Variants in TCF4 observed in about 807,000 individuals in gnomAD.
TCF4 encodes the protein transcription factor 4, also known as SL3-3 enhancer factor 2.
TCF4 carries 3 observed loss-of-function variants against 82.1 expected under a neutral mutation model. The observed-to-expected ratio is 0.04, with a 90% confidence interval of 0.02 to 0.09. The LOEUF is 0.09. Among genes scored for constraint, TCF4 ranks in the 10% least tolerant of loss-of-function variants. TCF4 has a pLI of 1.00. For missense variants in TCF4, 518 were observed against 852.7 expected (o/e 0.61, Z 4.89); for synonymous variants, 276 against 309.6 (o/e 0.89, Z 1.14).
At chr18:55,451,915 A>G (rs1426455401) in intron 5 of TCF4, among the ~76,000 whole-genome samples, 3 of 152,192 alleles carry the variant, frequency 2.0e-5, no homozygotes, top group Non-Finnish European at 4.4e-5. Context: ...CTAAAGCGGG[A>G]GGATCACTTG....
At chr18:55,460,977 T>A in intron 5 of TCF4, 42 bp downstream of exon 5, 1 of 1,559,982 alleles carries the variant, frequency 6.4e-7, no homozygotes, top group Non-Finnish European at 8.8e-7. Context: ...TAGTAAAACT[T>A]GAGCATTCAA....
chr18:55,524,735 T>G (rs1483556470), intron 3 of TCF4, among the ~76,000 whole-genome samples: 1 of 152,172 alleles, frequency 6.6e-6, no homozygotes, highest in African/African-American at 2.4e-5. Context: ...ACTACTGTGG[T>G]GGTCATTTGG....
At chr18:55,384,609 G>A (rs2092410256) in intron 6 of TCF4, among the ~76,000 whole-genome samples, 1 of 152,210 alleles carries the variant, frequency 6.6e-6, no homozygotes, top group Non-Finnish European at 1.5e-5. Context: ...GATACTGAAA[G>A]AAGACAACCC....
rs115482059 is a variant in TCF4, at chr18:55,474,242, A to T, written c.146-10105T>A. On this transcript the variant is annotated intron_variant, in intron 3 of 19. Transcript: ENST00000354452. Reference sequence around the variant, plus strand: ...TTTTACTCCATGGGCTCAATAGGACATGTATTGCCTAAATTTACAGTGTGA... The same window carrying T: ...TTTTACTCCATGGGCTCAATAGGACTTGTATTGCCTAAATTTACAGTGTGA... Among the ~76,000 whole-genome samples the T allele has an allele frequency of 6.8e-3, 1,029 of 152,324 alleles. 14 individuals are homozygous for T. The highest frequency in any genetic ancestry group is 0.024 in the African/African-American group (993 of 41,580).
At chr18:55,249,734 C>T (rs2054434366) in intron 15 of TCF4, among the ~76,000 whole-genome samples, 1 of 152,204 alleles carries the variant, frequency 6.6e-6, no homozygotes, top group Non-Finnish European at 1.5e-5. Flanking sequence ...GAGAGCTACA[C>T]TAATGCGATA....
intron 3 of TCF4, among the ~76,000 whole-genome samples, chr18:55,561,292 A>T (rs1010274354): frequency 2.0e-5 from 3 of 152,218 alleles, no homozygotes; most frequent in Non-Finnish European, 4.4e-5. Flanking sequence ...ATACAATAGG[A>T]TAATATTTTA....
At chr18:55,508,272 C>A (rs193252154) in intron 3 of TCF4, among the ~76,000 whole-genome samples, 3 of 152,306 alleles carry the variant, frequency 2.0e-5, no homozygotes. Context: ...TGATCTATAA[C>A]CTACTCCAGG....
At chr18:55,603,862 G>C (rs565919543) in intron 2 of TCF4, among the ~76,000 whole-genome samples, 1 of 152,244 alleles carries the variant, frequency 6.6e-6, no homozygotes, top group South Asian at 2.1e-4. Flanking sequence ...AATTCCTCCT[G>C]AGGAGAAAAC....
chr18:55,460,062 T>C (rs1459694106), intron 5 of TCF4, among the ~76,000 whole-genome samples: 1 of 152,190 alleles, frequency 6.6e-6, no homozygotes, highest in African/African-American at 2.4e-5. Context: ...CTTAAAATCA[T>C]GACATTCTTT....
intron 6 of TCF4, among the ~76,000 whole-genome samples, chr18:55,383,554 C>T (rs995615593): frequency 1.8e-4 from 28 of 152,108 alleles, no homozygotes; most frequent in African/African-American, 3.9e-4. Flanking sequence ...GAAGACACTA[C>T]GACAAGGCAA....
intron 5 of TCF4, among the ~76,000 whole-genome samples, chr18:55,437,918 A>C (rs1283044135): frequency 6.6e-6 from 1 of 152,194 alleles, no homozygotes; most frequent in Non-Finnish European, 1.5e-5. Context: ...ATATAGGTTT[A>C]GGCCAGGCAC....
chr18:55,373,667 A>T (rs1336404236), intron 6 of TCF4, among the ~76,000 whole-genome samples: 1 of 151,768 alleles, frequency 6.6e-6, no homozygotes, highest in East Asian at 1.9e-4. Flanking sequence ...AACAAAATGT[A>T]GCCAGGTTGG....
intron 6 of TCF4, among the ~76,000 whole-genome samples, chr18:55,391,701 G>A (rs1276703243): frequency 6.6e-6 from 1 of 151,814 alleles, no homozygotes; most frequent in Admixed American, 6.6e-5. Flanking sequence ...GGGAGGCCGA[G>A]GTGGGCGGAT....
intron 5 of TCF4, among the ~76,000 whole-genome samples, chr18:55,409,990 T>C (rs1398686527): frequency 6.6e-6 from 1 of 152,186 alleles, no homozygotes; most frequent in Non-Finnish European, 1.5e-5. Flanking sequence ...TCCACAGTCA[T>C]TTAAAAATCT....
rs957444618 is a variant in TCF4, at chr18:55,222,668, G to A, written c.*5367C>T. 10 of 152,648 alleles carry A rather than the reference G, an allele frequency of 6.6e-5. No individual in the cohort carries two copies. Among genetic ancestry groups the A allele is most frequent in the Admixed American group, 3.9e-4 (6 of 15,268 alleles). 9.5% of individuals were successfully genotyped at this position (152,648 alleles called of 1,614,324 possible). A position where few individuals can be genotyped will look rare whatever the true frequency, so the allele number is the denominator to read the frequency against. On this transcript the variant is annotated 3_prime_UTR_variant, in exon 20 of 20. Transcript: ENST00000354452. ...CTGTTATGAAGCGCTCAGCTACCGC[G>A]GGCTTTCCTTTACATTGCATACATT...
At chr18:55,277,409 T>A (rs1228236851) in intron 9 of TCF4, among the ~76,000 whole-genome samples, 1 of 152,170 alleles carries the variant, frequency 6.6e-6, no homozygotes, top group Non-Finnish European at 1.5e-5. Context: ...TGGGTGGCAA[T>A]GCGTTTAGGA....
chr18:55,587,202 AT>A (rs1568468415), intron 1 of TCF4, 66 bp from the exon 2 acceptor site: 1 of 249,758 alleles, frequency 4.0e-6, no homozygotes, highest in Non-Finnish European at 5.9e-6. Flanking sequence ...ACACAATCGG[AT>A]TTTTGGAGAC....
intron 5 of TCF4, among the ~76,000 whole-genome samples, chr18:55,413,518 G>A (rs1186381930): frequency 6.6e-6 from 1 of 152,158 alleles, no homozygotes; most frequent in African/African-American, 2.4e-5. Flanking sequence ...GATACGCAGG[G>A]CCACACTCCC....
chr18:55,283,728 AGTGGAAATG>A (rs1363283261), intron 8 of TCF4, among the ~76,000 whole-genome samples: 1 of 152,206 alleles, frequency 6.6e-6, no homozygotes, highest in Non-Finnish European at 1.5e-5. Context: ...CTGCTTGTAA[AGTGGAAATG>A]ACAATGCCTG....
Sources: allele counts gnomAD v4.1 joint callset (sites outside exome capture counted in the v4.1 genomes callset), GRCh38; gene constraint gnomAD v4.1.1; transcripts MANE v1.5; gene names NCBI Gene and HGNC (gene_info 2026-07-23, HGNC 2026-07-21).